The following AUTS2 variants were observed in gnomAD, a reference collection of about 807,000 sequenced individuals.
The protein encoded by AUTS2 is autism susceptibility gene 2 protein.
Under a neutral mutation model 112.4 loss-of-function variants are expected in AUTS2, and 17 were observed. The ratio of observed to expected loss-of-function variants is 0.15; its 90% CI spans 0.10 to 0.23. AUTS2 has a LOEUF of 0.23. AUTS2 is among the 10% of genes least tolerant of loss of function. AUTS2 has a pLI of 1.00. For missense variants in AUTS2, 1,510 were observed against 1,701.6 expected (o/e 0.89, Z 1.98); for synonymous variants, 751 against 702.7 (o/e 1.07, Z -1.09).
intron 4 of AUTS2, among the ~76,000 whole-genome samples, chr7:70,361,084 G>C (rs970681199): frequency 6.6e-6 from 1 of 152,152 alleles, no homozygotes; most frequent in Admixed American, 6.5e-5. Context: ...GGTGGCTCAC[G>C]CGTGTAATCC....
intron 5 of AUTS2, among the ~76,000 whole-genome samples, chr7:70,491,447 CATAAT>C (rs1168499281): frequency 7.4e-6 from 1 of 135,814 alleles, no homozygotes; most frequent in Non-Finnish European, 1.6e-5. Context: ...CATATATACA[CATAAT>C]ATATATGTTA....
intron 2 of AUTS2, among the ~76,000 whole-genome samples, chr7:69,973,387 A>T (rs1324482331): frequency 6.6e-6 from 1 of 152,136 alleles, no homozygotes; most frequent in Non-Finnish European, 1.5e-5. Context: ...GGACAGATTT[A>T]TTTCTTCCTA....
intron 5 of AUTS2, among the ~76,000 whole-genome samples, chr7:70,692,763 C>CT (rs3053872): frequency 1.8e-4 from 27 of 147,286 alleles, no homozygotes; most frequent in African/African-American, 2.5e-4. Flanking sequence ...GCACCCCCAC[C>CT]TTTTTTTTTT....
intron 2 of AUTS2, among the ~76,000 whole-genome samples, chr7:69,944,181 G>A (rs1054587674): frequency 5.3e-5 from 8 of 152,254 alleles, no homozygotes; most frequent in East Asian, 3.9e-4. Flanking sequence ...ATAGAAACTC[G>A]ACTTGTGACC....
chr7:69,653,599 C>T (rs1039240386), intron 1 of AUTS2, among the ~76,000 whole-genome samples: 4 of 150,894 alleles, frequency 2.7e-5, no homozygotes, highest in African/African-American at 9.7e-5. Context: ...TACTTTAATT[C>T]TCTGTATGTG....
intron 5 of AUTS2, chr7:70,436,723 TA>T (rs1287606946): frequency 6.6e-6 from 1 of 152,232 alleles, no homozygotes; most frequent in Non-Finnish European, 1.5e-5. Flanking sequence ...ATGCTGCAGT[TA>T]GTATTTAGTG....
chr7:69,985,958 T>C (rs1584530760), intron 2 of AUTS2, among the ~76,000 whole-genome samples: 1 of 152,242 alleles, frequency 6.6e-6, no homozygotes, highest in East Asian at 1.9e-4. Flanking sequence ...AGTCAGGGTC[T>C]TACTATGTTG....
At chr7:70,163,358 GC>G (rs1808213346) in intron 4 of AUTS2, among the ~76,000 whole-genome samples, 11 of 24,994 alleles carry the variant, frequency 4.4e-4, no homozygotes, top group East Asian at 1.1e-3. Context: ...GGGGGGGGGG[GC>G]AGAGGGGGAG....
intron 4 of AUTS2, among the ~76,000 whole-genome samples, chr7:70,336,407 A>G (rs1790992100): frequency 6.6e-6 from 1 of 152,146 alleles, no homozygotes; most frequent in African/African-American, 2.4e-5. Context: ...CAGAATTTAT[A>G]TTGATAAATG....
intron 5 of AUTS2, chr7:70,436,294 C>T (rs552299918): frequency 6.5e-6 from 1 of 152,916 alleles, no homozygotes; most frequent in East Asian, 1.9e-4. Flanking sequence ...GCCCTCTTCC[C>T]ATCCGGGCGG....
At chr7:70,737,540 C>T (rs1258943029) in intron 6 of AUTS2, among the ~76,000 whole-genome samples, 1 of 152,208 alleles carries the variant, frequency 6.6e-6, no homozygotes, top group Non-Finnish European at 1.5e-5. Flanking sequence ...GAGGAAGAGA[C>T]TATTGTGTCA....
At chr7:70,455,199 G>C (rs2131119328) in intron 5 of AUTS2, among the ~76,000 whole-genome samples, 1 of 152,304 alleles carries the variant, frequency 6.6e-6, no homozygotes, top group South Asian at 2.1e-4. Context: ...AATGTCAGGG[G>C]AATTGTGGGT....
intron 6 of AUTS2, chr7:70,729,114 A>G (rs1198782325): frequency 2.2e-6 from 1 of 455,806 alleles, no homozygotes; most frequent in Non-Finnish European, 4.4e-6. Flanking sequence ...AAATGGGGCG[A>G]AAACGACGGC....
At chr7:70,436,030 A>G (rs951135277) in intron 5 of AUTS2, 4 of 392,036 alleles carry the variant, frequency 1.0e-5, no homozygotes, top group South Asian at 2.4e-4. Flanking sequence ...TTTTTACTTT[A>G]TGGAAGATGA....
At chr7:70,177,976 C>T (rs1292910641) in intron 4 of AUTS2, among the ~76,000 whole-genome samples, 1 of 149,230 alleles carries the variant, frequency 6.7e-6, no homozygotes, top group Non-Finnish European at 1.5e-5. Context: ...AGTGCAGTGG[C>T]ATGATCTTGG....
chr7:69,721,198 C>T (rs541779096), intron 1 of AUTS2, among the ~76,000 whole-genome samples: 13 of 152,266 alleles, frequency 8.5e-5, no homozygotes, highest in African/African-American at 3.1e-4. Flanking sequence ...CTGATCTTTG[C>T]CTCCTGATCT....
At chr7:70,431,671 C>T (rs762527168) in intron 4 of AUTS2, among the ~76,000 whole-genome samples, 1 of 152,220 alleles carries the variant, frequency 6.6e-6, no homozygotes, top group Non-Finnish European at 1.5e-5. Flanking sequence ...AGGCGTGAGC[C>T]CCGTCACCCG....
chr7:69,607,121 AG>A (rs1221585033), intron 1 of AUTS2, among the ~76,000 whole-genome samples: 2 of 152,190 alleles, frequency 1.3e-5, no homozygotes, highest in Non-Finnish European at 2.9e-5. Flanking sequence ...CTGCTTGTTT[AG>A]GAAGAAACTA....
chr7:69,897,643 A>G (rs952377471), intron 1 of AUTS2, among the ~76,000 whole-genome samples: 5 of 151,926 alleles, frequency 3.3e-5, no homozygotes, highest in African/African-American at 1.2e-4. Flanking sequence ...CTGTAACCCC[A>G]GCTACTCGGG....
Sources: gnomAD v4.1 joint callset for allele counts (sites outside exome capture counted in the v4.1 genomes callset) on GRCh38, gnomAD v4.1.1 for gene constraint, MANE v1.5 for transcripts, NCBI Gene and HGNC (gene_info 2026-07-23, HGNC 2026-07-21) for gene names.